The following PRPH2 variants were observed in gnomAD, a reference collection of about 807,000 sequenced individuals.
The protein encoded by PRPH2 is peripherin 2, also known as peripherin-2.
PRPH2 carries 17 observed loss-of-function variants against 31.3 expected under a neutral mutation model. That is an observed-to-expected ratio of 0.54 (90% CI 0.37 to 0.81). The LOEUF (loss-of-function observed/expected upper bound fraction) is 0.81. Among genes scored for constraint, PRPH2 ranks in the 40% least tolerant of loss-of-function variants. The pLI is 0.00. For missense variants in PRPH2, 430 were observed against 439.7 expected (o/e 0.98, Z 0.20); for synonymous variants, 165 against 184.4 (o/e 0.89, Z 0.85).
chr6:42,716,108 G>A (rs984106613), intron 1 of PRPH2, among the ~76,000 whole-genome samples: 2 of 152,194 alleles, frequency 1.3e-5, no homozygotes, highest in African/African-American at 4.8e-5. Context: ...TGTGTCAGAG[G>A]AGGATCCCTG....
At chr6:42,706,528 C>T (rs1800167482) in intron 1 of PRPH2, among the ~76,000 whole-genome samples, 2 of 151,414 alleles carry the variant, frequency 1.3e-5, no homozygotes, top group Admixed American at 1.3e-4. Flanking sequence ...TCACTTGAGC[C>T]CGAGACGCAG....
At chr6:42,707,493 C>T (rs1426884097) in intron 1 of PRPH2, among the ~76,000 whole-genome samples, 3 of 152,206 alleles carry the variant, frequency 2.0e-5, no homozygotes, top group Admixed American at 6.5e-5. Flanking sequence ...GAGGTGGGGG[C>T]GCGGTTCACA....
intron 1 of PRPH2, among the ~76,000 whole-genome samples, chr6:42,721,439 G>T (rs993416807): frequency 6.6e-6 from 1 of 152,170 alleles, no homozygotes; most frequent in Non-Finnish European, 1.5e-5. Flanking sequence ...GTATAAAGTG[G>T]ACACACATTG....
intron 1 of PRPH2, among the ~76,000 whole-genome samples, chr6:42,707,034 G>A (rs569856109): frequency 7.0e-6 from 1 of 142,870 alleles, no homozygotes; most frequent in East Asian, 2.0e-4. Context: ...CACCCAGGCT[G>A]GAGTGCAGTG....
At chr6:42,708,163 C>T (rs1023400642) in intron 1 of PRPH2, among the ~76,000 whole-genome samples, 8 of 152,182 alleles carry the variant, frequency 5.3e-5, no homozygotes, top group African/African-American at 1.4e-4. Flanking sequence ...GAGCCCACCA[C>T]GCCATATCAT....
intron 2 of PRPH2, among the ~76,000 whole-genome samples, chr6:42,700,576 G>C (rs1800027697): frequency 6.6e-6 from 1 of 152,162 alleles, no homozygotes; most frequent in African/African-American, 2.4e-5. Context: ...TTGTCAACTG[G>C]AAGTTGAATA....
chr6:42,714,973 G>A (rs1457513454), intron 1 of PRPH2, among the ~76,000 whole-genome samples: 1 of 151,946 alleles, frequency 6.6e-6, no homozygotes, highest in East Asian at 2.0e-4. Flanking sequence ...GCACTTTGGG[G>A]CTGAGGTGGG....
At chr6:42,703,083 TA>T (rs760095268) in intron 2 of PRPH2, among the ~76,000 whole-genome samples, 116 of 150,818 alleles carry the variant, frequency 7.7e-4, no homozygotes, top group Non-Finnish European at 1.5e-3. Context: ...TAGTCCTAGC[TA>T]CTCAGAAGGC....
At chr6:42,721,685 G>A (rs1329887059) in intron 1 of PRPH2, 69 bp downstream of exon 1, 1 of 1,572,976 alleles carries the variant, frequency 6.4e-7, no homozygotes, top group Non-Finnish European at 8.7e-7. Context: ...AGAGGGGCTG[G>A]TCAGAGGCCT....
chr6:42,707,067 CTT>C (rs1461859697), intron 1 of PRPH2, among the ~76,000 whole-genome samples: 2 of 145,232 alleles, frequency 1.4e-5, no homozygotes, highest in African/African-American at 5.2e-5. Flanking sequence ...GCCCAGCTAA[CTT>C]TTGTATTTTC....
intron 1 of PRPH2, chr6:42,711,966 T>G: frequency 7.1e-6 from 7 of 985,394 alleles, no homozygotes; most frequent in Non-Finnish European, 8.4e-6. Context: ...GTAAACTGAC[T>G]GAAGACCTCA....
rs180775924 is a variant in PRPH2 at position 42,698,275 on chromosome 6, G to C, written c.*20C>G. On this transcript the variant is annotated 3_prime_UTR_variant, in exon 3 of 3. Transcript: ENST00000230381. ...GTGCACTATTTCTCAGTGTTCGGGA[G>C]GGGAGGGGCCCCAGGGCCCTCAGCC... 2 of 1,613,146 alleles carry C rather than the reference G, an allele frequency of 1.2e-6. No individual in the cohort carries two copies. The highest frequency in any genetic ancestry group is 4.5e-5 in the East Asian group (2 of 44,876).
In PRPH2 at chr6:42,704,371, G is replaced by A; in HGVS notation, c.822C>T (p.Leu274=). Residue 274 remains leucine, a synonymous_variant, in exon 2 of 3, where the codon CTC becomes CTT. Coordinates refer to ENST00000230381, the MANE Select transcript of PRPH2 (RefSeq NM_000322.5). ...CAGCTGGCCCAGGGCCTACCTCGAA[G>A]AGCCAAATGAGGAGCGTGACGACAC... is the stretch of plus-strand genomic sequence containing the variant. ...SMGVVTLLIW[L]FEVTITIGLR... The A allele has an allele frequency of 6.2e-7, 1 of 1,608,604 alleles. No individual in the cohort carries two copies. The highest frequency in any genetic ancestry group is 1.1e-5 in the South Asian group (1 of 90,066).
In PRPH2 at chr6:42,721,875, T is replaced by G. The variant is rs1190438836; in HGVS notation, c.460A>C (p.Lys154Gln). Reference sequence around the variant, plus strand: ...TCGATCTGCAGCATGTCGATGGTCTTCTTCATGAAACACCTGCCAGGGGTG... The same window carrying G: ...TCGATCTGCAGCATGTCGATGGTCTGCTTCATGAAACACCTGCCAGGGGTG... Reference protein sequence around the residue: ...TDTPGRCFMKKTIDMLQIEFK... With the variant: ...TDTPGRCFMKQTIDMLQIEFK... Residue 154 changes from lysine to glutamine, a missense_variant, in exon 1 of 3, where the codon AAG (lysine) becomes CAG (glutamine). Coordinates refer to ENST00000230381, the MANE Select transcript of PRPH2 (RefSeq NM_000322.5). 3 of 1,614,224 alleles carry G rather than the reference T, an allele frequency of 1.9e-6. No homozygotes were observed. Among genetic ancestry groups the G allele is most frequent in the East Asian group, 4.5e-5 (2 of 44,892 alleles).
chr6:42,722,587 C>A lies in PRPH2; in HGVS notation c.-253G>T. 7.2e-7 allele frequency: 1 copy of A among 1,383,774 alleles called. No individual in the cohort carries two copies. Among genetic ancestry groups the A allele is most frequent in the Non-Finnish European group, 9.4e-7 (1 of 1,067,132 alleles). 85.7% of individuals were successfully genotyped at this position (1,383,774 alleles called of 1,614,324 possible). ...GTCCTGGGCGTTGTTTCTTCAGCGCCCTTCCCAGCCAAGAAGGGGCAGCCT... is the reference window on the plus strand; with the variant it reads ...GTCCTGGGCGTTGTTTCTTCAGCGCACTTCCCAGCCAAGAAGGGGCAGCCT... On this transcript the variant is annotated 5_prime_UTR_variant, in exon 1 of 3. Transcript: ENST00000230381. The surrounding 1 kb of genome is among the most constrained non-coding windows in gnomAD (Gnocchi z 4.4).
chr6:42,699,940 G>T (rs1304394723), intron 2 of PRPH2, among the ~76,000 whole-genome samples: 1 of 148,378 alleles, frequency 6.7e-6, no homozygotes, highest in African/African-American at 2.5e-5. Context: ...AGCTGTAGCT[G>T]ATAATTAGCT....
At chr6:42,718,585 G>A (rs746303882) in intron 1 of PRPH2, among the ~76,000 whole-genome samples, 3 of 152,110 alleles carry the variant, frequency 2.0e-5, no homozygotes, top group Non-Finnish European at 2.9e-5. Context: ...TGCAGTATGA[G>A]GTCACTGGAG....
At chr6:42,719,374 C>A (rs922246741) in intron 1 of PRPH2, among the ~76,000 whole-genome samples, 2 of 151,972 alleles carry the variant, frequency 1.3e-5, no homozygotes, top group East Asian at 3.9e-4. Flanking sequence ...TGAGGTTTCA[C>A]TATTTTGGTC....
chr6:42,716,584 AT>A (rs1227889112), intron 1 of PRPH2, among the ~76,000 whole-genome samples: 1 of 125,150 alleles, frequency 8.0e-6, no homozygotes. Flanking sequence ...GCCCTAGCTA[AT>A]TTTTTTTGTT....
Sources: gnomAD v4.1 joint callset for allele counts (sites outside exome capture counted in the v4.1 genomes callset) on GRCh38, gnomAD v4.1.1 for gene constraint, Gnocchi (gnomAD v3.1) non-coding constraint, MANE v1.5 for transcripts, NCBI Gene and HGNC (gene_info 2026-07-23, HGNC 2026-07-21) for gene names.